DNAH9: variants seen among roughly 807,000 people sequenced by gnomAD.
DNAH9 encodes the protein dynein axonemal heavy chain 9.
Under a neutral mutation model 471.6 loss-of-function variants are expected in DNAH9, and 345 were observed. That is an observed-to-expected ratio of 0.73 (90% CI 0.67 to 0.80). The LOEUF (loss-of-function observed/expected upper bound fraction) is 0.80, where lower values mean the gene tolerates loss of function less well. Among genes scored for constraint, DNAH9 ranks in the 30% least tolerant of loss-of-function variants. The pLI is 0.00. For synonymous variants in DNAH9, 2,093 were observed against 2,123.6 expected, an observed-to-expected ratio of 0.99 and a Z score of 0.40; for missense variants, 5,407 against 5,609.2, an observed-to-expected ratio of 0.96 and a Z score of 1.15.
chr17:11,842,019 T>C (rs1971053558), intron 49 of DNAH9, among the ~76,000 whole-genome samples: 1 of 152,164 alleles, frequency 6.6e-6, no homozygotes, highest in Non-Finnish European at 1.5e-5. Flanking sequence ...ACTTTTGCTA[T>C]GAGTCCCTTG....
chr17:11,746,314 A>C (rs142850039), intron 31 of DNAH9, among the ~76,000 whole-genome samples: 1 of 152,326 alleles, frequency 6.6e-6, no homozygotes, highest in African/African-American at 2.4e-5. Context: ...AGAGAGAGAA[A>C]GAGTGGAGGG....
intron 61 of DNAH9, among the ~76,000 whole-genome samples, chr17:11,916,410 T>C (rs1316347369): frequency 6.6e-6 from 1 of 152,228 alleles, no homozygotes; most frequent in East Asian, 1.9e-4. Context: ...TGCCTCTCTC[T>C]CTCTTCCTTC....
chr17:11,887,047 C>T (rs1413291016), intron 57 of DNAH9, 82 bp downstream of exon 57: 36 of 1,475,414 alleles, frequency 2.4e-5, no homozygotes, highest in Non-Finnish European at 2.9e-5. Context: ...AGAGCTTATC[C>T]ATGTAAGATC....
intron 38 of DNAH9, among the ~76,000 whole-genome samples, chr17:11,773,277 C>T (rs1968289332): frequency 6.6e-6 from 1 of 152,138 alleles, no homozygotes; most frequent in Non-Finnish European, 1.5e-5. Flanking sequence ...CTTGAAAGGA[C>T]AGTTAGAACA....
At chr17:11,763,015 G>A (rs531142100) in intron 35 of DNAH9, among the ~76,000 whole-genome samples, 13 of 151,990 alleles carry the variant, frequency 8.6e-5, no homozygotes, top group South Asian at 2.1e-4. Flanking sequence ...TCCTGACCTC[G>A]TGATCCTCCC....
intron 45 of DNAH9, among the ~76,000 whole-genome samples, chr17:11,821,675 T>C (rs1207422402): frequency 6.6e-6 from 1 of 152,180 alleles, no homozygotes; most frequent in Non-Finnish European, 1.5e-5. Flanking sequence ...TGAAGGCTCT[T>C]GTGTTACCAA....
intron 49 of DNAH9, among the ~76,000 whole-genome samples, chr17:11,851,645 A>G (rs1401527564): frequency 6.6e-6 from 1 of 152,172 alleles, no homozygotes; most frequent in Non-Finnish European, 1.5e-5. Flanking sequence ...CAACCCACAC[A>G]CAGGGAGACA....
At chr17:11,787,701 A>G (rs1968921800) in intron 41 of DNAH9, among the ~76,000 whole-genome samples, 1 of 152,168 alleles carries the variant, frequency 6.6e-6, no homozygotes, top group Non-Finnish European at 1.5e-5. Context: ...TTGTACTCCC[A>G]TAATTCCCAC....
intron 50 of DNAH9, among the ~76,000 whole-genome samples, chr17:11,868,011 A>G (rs1267479530): frequency 6.6e-6 from 1 of 152,238 alleles, no homozygotes. Context: ...TTGGTGAACA[A>G]CAGCTAACTC....
At chr17:11,599,339 A>T (rs2150620818) in intron 1 of DNAH9, among the ~76,000 whole-genome samples, 1 of 152,218 alleles carries the variant, frequency 6.6e-6, no homozygotes, top group African/African-American at 2.4e-5. Context: ...GAAGATGGGA[A>T]GTGGACAAGA....
intron 36 of DNAH9, among the ~76,000 whole-genome samples, chr17:11,767,120 G>A (rs1567787224): frequency 6.6e-6 from 1 of 152,186 alleles, no homozygotes. Flanking sequence ...GTGTGGCCCA[G>A]CCAAGGGCTT....
intron 1 of DNAH9, among the ~76,000 whole-genome samples, chr17:11,606,556 C>A (rs2072512512): frequency 9.0e-6 from 1 of 111,316 alleles, no homozygotes; most frequent in African/African-American, 3.3e-5. Context: ...TCAAGCGATT[C>A]CCCTGCCTCA....
chr17:11,695,774 G>C (rs2074465204), intron 22 of DNAH9, among the ~76,000 whole-genome samples: 1 of 152,144 alleles, frequency 6.6e-6, no homozygotes, highest in Non-Finnish European at 1.5e-5. Flanking sequence ...GCATTTCTAA[G>C]AATTTTCCCA....
intron 49 of DNAH9, among the ~76,000 whole-genome samples, chr17:11,849,792 C>T (rs1429962380): frequency 6.6e-6 from 1 of 152,230 alleles, no homozygotes. Flanking sequence ...TGTTGCCTGT[C>T]TCCCCCACCT....
intron 65 of DNAH9, among the ~76,000 whole-genome samples, chr17:11,935,124 C>A (rs976336587): frequency 1.3e-5 from 2 of 151,260 alleles, no homozygotes; most frequent in Non-Finnish European, 2.9e-5. Context: ...ACCACCACAC[C>A]CGGTTTTTGT....
At chr17:11,869,108 T>C in intron 50 of DNAH9, 26 bp from the exon 51 acceptor site, 1 of 1,610,388 alleles carries the variant, frequency 6.2e-7, no homozygotes, top group East Asian at 2.2e-5. Flanking sequence ...AAATGACTGA[T>C]GGTCCTTGTA....
Position 11,747,633 on chromosome 17 carries a change from G to C in DNAH9, c.6477G>C (p.Gln2159His). 6.2e-7 allele frequency: 1 copy of C among 1,614,166 alleles called. No individual in the cohort carries two copies. The change falls in exon 32 of 69, where the codon CAG becomes CAC. Residue 2159 changes from glutamine (Q) to histidine (H), a missense_variant. By Grantham distance (24) the Gln-to-His change is conservative. This residue lies in a region of DNAH9 where 4,636 missense variants were observed against 4,900.3 expected (regional missense o/e 0.95). Transcript: ENST00000262442. ...GTGGCGCTGGTACCGGCAAGTCACA[G>C]GTGCTGAGGTCCTTGCACAAGACCT... ...VVGGAGTGKS[Q>H]VLRSLHKTYQ...
Position 11,930,020 on chromosome 17 carries a change from C to T in DNAH9, c.12032C>T (p.Ser4011Phe). The change falls in exon 63 of 69, where the codon TCC (serine) becomes TTC (phenylalanine). Residue 4011 changes from serine to phenylalanine, a missense_variant. Ser to Phe is a radical substitution (Grantham distance 155). Transcript: ENST00000262442. ...HIIPQGILENSIKITNEPPTG... is the reference protein window; with the variant it reads ...HIIPQGILENFIKITNEPPTG... Reference sequence around the variant, plus strand: ...ATCCCCCAGGGCATCCTGGAGAACTCCATTAAGATCACCAATGAGCCCCCC... The same window carrying T: ...ATCCCCCAGGGCATCCTGGAGAACTTCATTAAGATCACCAATGAGCCCCCC... 1 of 1,614,116 alleles carries T rather than the reference C, an allele frequency of 6.2e-7. No homozygotes were observed. The highest frequency in any genetic ancestry group is 8.5e-7 in the Non-Finnish European group (1 of 1,180,026).
At chr17:11,764,109 C>T (rs920943861) in intron 36 of DNAH9, among the ~76,000 whole-genome samples, 1 of 152,084 alleles carries the variant, frequency 6.6e-6, no homozygotes, top group Non-Finnish European at 1.5e-5. Flanking sequence ...GAAGGCTGGA[C>T]CAAAGTCTAA....
Sources: gnomAD v4.1 joint callset for allele counts (sites outside exome capture counted in the v4.1 genomes callset) on GRCh38, gnomAD v4.1.1 for gene constraint, gnomAD v4.1.1 regional missense constraint, MANE v1.5 for transcripts, NCBI Gene and HGNC (gene_info 2026-07-23, HGNC 2026-07-21) for gene names.